LRMDA: variants seen among roughly 807,000 people sequenced by gnomAD.
LRMDA encodes the protein leucine-rich melanocyte differentiation-associated protein.
LRMDA carries 18 observed loss-of-function variants against 29.8 expected under a neutral mutation model. The observed-to-expected ratio is 0.60, with a 90% CI of 0.42 to 0.90. LRMDA has a LOEUF of 0.90. LRMDA is among the 40% of genes least tolerant of loss of function. The pLI, the probability that LRMDA is intolerant of heterozygous loss-of-function variation, is 0.00. For synonymous variants in LRMDA, 125 were observed against 109.4 expected, an observed-to-expected ratio of 1.14 and a Z score of -0.89; for missense variants, 273 against 273.9, an observed-to-expected ratio of 1.00 and a Z score of 0.02.
At chr10:75,536,345 C>T (rs1274654064) in intron 2 of LRMDA, among the ~76,000 whole-genome samples, 1 of 152,140 alleles carries the variant, frequency 6.6e-6, no homozygotes, top group Non-Finnish European at 1.5e-5. Flanking sequence ...TGTGCTTGTC[C>T]TGTGTGTCCC....
intron 3 of LRMDA, among the ~76,000 whole-genome samples, chr10:76,041,592 C>G (rs1226360099): frequency 1.3e-5 from 2 of 152,142 alleles, no homozygotes; most frequent in African/African-American, 4.8e-5. Flanking sequence ...GCAGCTGAGC[C>G]CAGAGGGAGG....
intron 6 of LRMDA, among the ~76,000 whole-genome samples, chr10:76,337,390 T>G (rs1840982749): frequency 6.6e-6 from 1 of 152,018 alleles, no homozygotes; most frequent in South Asian, 2.1e-4. Flanking sequence ...TGTTGGCAAT[T>G]TAAGATCTGA....
chr10:76,088,964 G>C (rs527268309), intron 5 of LRMDA, among the ~76,000 whole-genome samples: 7 of 152,190 alleles, frequency 4.6e-5, no homozygotes, highest in African/African-American at 1.7e-4. Flanking sequence ...AATTCTGTCC[G>C]TGTGATTAAT....
intron 5 of LRMDA, among the ~76,000 whole-genome samples, chr10:76,238,964 A>G (rs1852216495): frequency 6.6e-6 from 1 of 152,114 alleles, no homozygotes; most frequent in African/African-American, 2.4e-5. Flanking sequence ...ATTGGTGGCA[A>G]TCTTAGCTAT....
chr10:75,636,496 C>A (rs1454093362), intron 2 of LRMDA, among the ~76,000 whole-genome samples: 2 of 152,270 alleles, frequency 1.3e-5, no homozygotes, highest in East Asian at 3.9e-4. Context: ...CTATTGATAT[C>A]ATTATCACTA....
chr10:76,509,419 C>T (rs1209953662), intron 6 of LRMDA, among the ~76,000 whole-genome samples: 1 of 152,202 alleles, frequency 6.6e-6, no homozygotes, highest in Non-Finnish European at 1.5e-5. Context: ...CACCTTGCAA[C>T]TTAAGTTTCT....
At chr10:75,791,918 G>T (rs1432362955) in intron 2 of LRMDA, among the ~76,000 whole-genome samples, 1 of 146,170 alleles carries the variant, frequency 6.8e-6, no homozygotes, top group Non-Finnish European at 1.5e-5. Context: ...GGAGTGCAGT[G>T]GTGCTATCTC....
chr10:76,454,363 T>C (rs1408858323), intron 6 of LRMDA, among the ~76,000 whole-genome samples: 2 of 152,168 alleles, frequency 1.3e-5, no homozygotes, highest in Non-Finnish European at 2.9e-5. Context: ...GTGTCTGCAT[T>C]GTATGCTCTT....
intron 2 of LRMDA, among the ~76,000 whole-genome samples, chr10:75,826,719 G>A (rs1844252631): frequency 2.6e-5 from 4 of 152,112 alleles, no homozygotes; most frequent in African/African-American, 9.7e-5. Flanking sequence ...GCCGATCCTT[G>A]CAAAAGCAAA....
intron 6 of LRMDA, among the ~76,000 whole-genome samples, chr10:76,541,188 C>A (rs1293097559): frequency 6.6e-6 from 1 of 152,168 alleles, no homozygotes; most frequent in Non-Finnish European, 1.5e-5. Context: ...TGCTAGGAGG[C>A]AACCTCTAGT....
chr10:76,246,664 C>T (rs1852383833), intron 5 of LRMDA, among the ~76,000 whole-genome samples: 2 of 152,174 alleles, frequency 1.3e-5, no homozygotes, highest in Non-Finnish European at 1.5e-5. Context: ...AATTACGGCC[C>T]TGGATTAGTC....
intron 5 of LRMDA, among the ~76,000 whole-genome samples, chr10:76,289,671 T>C (rs751164640): frequency 2.0e-5 from 3 of 152,246 alleles, no homozygotes; most frequent in Non-Finnish European, 4.4e-5. Context: ...GGGCTTGGTG[T>C]CTTCCAATTC....
intron 5 of LRMDA, among the ~76,000 whole-genome samples, chr10:76,187,872 A>C (rs1481733168): frequency 1.3e-5 from 2 of 151,684 alleles, no homozygotes; most frequent in African/African-American, 4.8e-5. Context: ...ATTTTTTTTT[A>C]TTTTCATCCT....
At chr10:75,526,427 C>A (rs1475650799) in intron 2 of LRMDA, among the ~76,000 whole-genome samples, 1 of 151,912 alleles carries the variant, frequency 6.6e-6, no homozygotes, top group Non-Finnish European at 1.5e-5. Flanking sequence ...GTGAGAATGA[C>A]AGATGAAACC....
chr10:75,529,642 T>G (rs146734761), intron 2 of LRMDA, among the ~76,000 whole-genome samples: 7 of 152,356 alleles, frequency 4.6e-5, no homozygotes, highest in African/African-American at 1.7e-4. Flanking sequence ...TAACACCTGA[T>G]GCATCTGGAC....
intron 4 of LRMDA, among the ~76,000 whole-genome samples, chr10:76,052,549 A>G (rs1386506764): frequency 6.6e-6 from 1 of 152,060 alleles, no homozygotes; most frequent in African/African-American, 2.4e-5. Context: ...AGAGCAGAGA[A>G]AATTGATTTT....
At chr10:76,486,103 T>G (rs1309711958) in intron 6 of LRMDA, among the ~76,000 whole-genome samples, 1 of 151,932 alleles carries the variant, frequency 6.6e-6, no homozygotes, top group Non-Finnish European at 1.5e-5. Context: ...GAGTGACATA[T>G]GCTTACTCTA....
At chr10:75,880,055 A>G (rs1845268120) in intron 2 of LRMDA, among the ~76,000 whole-genome samples, 7 of 152,216 alleles carry the variant, frequency 4.6e-5, no homozygotes, top group Admixed American at 6.5e-5. Context: ...CTAATTTTAT[A>G]ATGTTTTAAA....
chr10:76,079,794 A>G (rs1589317575), intron 5 of LRMDA, among the ~76,000 whole-genome samples: 5 of 152,324 alleles, frequency 3.3e-5, no homozygotes, highest in Middle Eastern at 3.4e-3. Context: ...AATGCTCTGG[A>G]TAAGTCATTT....
Sources: gnomAD v4.1 joint callset for allele counts (sites outside exome capture counted in the v4.1 genomes callset) on GRCh38, gnomAD v4.1.1 for gene constraint, MANE v1.5 for transcripts, NCBI Gene and HGNC (gene_info 2026-07-23, HGNC 2026-07-21) for gene names.